Variants in BCL11B observed in about 807,000 individuals in gnomAD.
The protein encoded by BCL11B is BCL11 transcription factor B.
Under a neutral mutation model 49.9 loss-of-function variants are expected in BCL11B, and 8 were observed. The observed-to-expected ratio is 0.16, with a 90% CI of 0.09 to 0.29. BCL11B has a LOEUF of 0.29. Among genes scored for constraint, BCL11B ranks in the 10% least tolerant of loss-of-function variants. BCL11B has a pLI of 1.00. For synonymous variants in BCL11B, 739 were observed against 637.4 expected, an observed-to-expected ratio of 1.16 and a Z score of -2.40; for missense variants, 1,006 against 1,351.0, an observed-to-expected ratio of 0.74 and a Z score of 4.00.
chr14:99,196,695 A>G (rs1166250048), intron 3 of BCL11B, among the ~76,000 whole-genome samples: 1 of 152,204 alleles, frequency 6.6e-6, no homozygotes, highest in Non-Finnish European at 1.5e-5. Flanking sequence ...ATGTTTGTCC[A>G]CCATCAGAGA....
chr14:99,178,061 T>C (rs1347303937), intron 3 of BCL11B, among the ~76,000 whole-genome samples: 1 of 152,096 alleles, frequency 6.6e-6, no homozygotes, highest in Non-Finnish European at 1.5e-5. Flanking sequence ...GCCTGCAGCG[T>C]CACAGAAGGC....
Position 99,247,811 on chromosome 14 carries a change from T to A in BCL11B, c.427+9660A>T, listed in dbSNP as rs952099749. ...AGCAGACGCTGACCCACGCACCTGT[T>A]TGCCTGCACCTTTGAGGTTGTGTCC... On this transcript the variant is annotated intron_variant, in intron 2 of 3. Coordinates refer to ENST00000357195, the MANE Select transcript of BCL11B (RefSeq NM_138576.4). The surrounding 1 kb of genome is among the most constrained non-coding windows in gnomAD (Gnocchi z 4.5). Among the ~76,000 whole-genome samples the A allele has an allele frequency of 6.6e-6, 1 of 152,180 alleles. No individual in the cohort carries two copies. Among genetic ancestry groups the A allele is most frequent in the Admixed American group, 6.5e-5 (1 of 15,282 alleles).
In BCL11B at chr14:99,174,478, C is replaced by G; in HGVS notation, c.2358G>C (p.Arg786=). The change falls in exon 4 of 4, where the codon CGG becomes CGC. Residue 786 remains arginine (R), a synonymous_variant. Transcript: ENST00000357195. ...TGCGGCGGCCCTCCTTGGAGCTGGGCCGCCCGGGGCCCGGGCCGCCCAGGT... is the reference window on the plus strand; with the variant it reads ...TGCGGCGGCCCTCCTTGGAGCTGGGGCGCCCGGGGCCCGGGCCGCCCAGGT... The part of the protein sequence containing the change: ...TPHLGGPGPG[R]PSSKEGRRSD... The G allele has an allele frequency of 1.3e-6, 2 of 1,585,050 alleles. No homozygotes were observed. Among genetic ancestry groups the G allele is most frequent in the Non-Finnish European group, 1.7e-6 (2 of 1,167,966 alleles).
intron 3 of BCL11B, among the ~76,000 whole-genome samples, chr14:99,214,768 C>T (rs1887784487): frequency 6.6e-6 from 1 of 152,162 alleles, no homozygotes; most frequent in South Asian, 2.1e-4. Context: ...TGCCTCTTTA[C>T]CTTCCCAGCA....
At chr14:99,186,442 C>A (rs1207280399) in intron 3 of BCL11B, among the ~76,000 whole-genome samples, 3 of 152,182 alleles carry the variant, frequency 2.0e-5, no homozygotes, top group Non-Finnish European at 4.4e-5. Flanking sequence ...ATTGCTTGAA[C>A]CTTGGAGGCG....
intron 1 of BCL11B, chr14:99,263,263 A>C (rs1889388876): frequency 6.5e-6 from 1 of 153,344 alleles, no homozygotes; most frequent in South Asian, 2.1e-4. Flanking sequence ...GGAGGGACAG[A>C]TACATACCAC....
At chr14:99,176,869 G>T (rs1472591967) in intron 3 of BCL11B, among the ~76,000 whole-genome samples, 1 of 152,006 alleles carries the variant, frequency 6.6e-6, no homozygotes, top group African/African-American at 2.4e-5. Context: ...GATAATATTT[G>T]ATTCCAGGGA....
At position 99,177,173 on chromosome 14, in the gene BCL11B, C is replaced by T. The variant is rs369123982; in HGVS notation, c.641-978G>A. On this transcript the variant is annotated intron_variant, in intron 3 of 3. Coordinates refer to ENST00000357195, the MANE Select transcript of BCL11B (RefSeq NM_138576.4). ...TTCCACCTCCAGACCCCAGGGAAGG[C>T]GGGGGCACACTGGCCTACATGAGTC... is the stretch of plus-strand genomic sequence containing the variant. Among the ~76,000 whole-genome samples the T allele has an allele frequency of 2.0e-4, 30 of 152,162 alleles. No homozygotes were observed. The East Asian group carries it at 4.5e-3, about 23-fold the overall frequency.
intron 3 of BCL11B, among the ~76,000 whole-genome samples, chr14:99,190,437 G>A (rs886268757): frequency 2.0e-5 from 3 of 152,248 alleles, no homozygotes; most frequent in Non-Finnish European, 4.4e-5. Context: ...GCAGTGAGCC[G>A]AGATGGCACC....
In BCL11B at chr14:99,241,502, C is replaced by T. The variant is rs1888670716; in HGVS notation, c.428-9945G>A. On this transcript the variant is annotated intron_variant, in intron 2 of 3. Coordinates refer to ENST00000357195, the MANE Select transcript of BCL11B (RefSeq NM_138576.4). This position sits in a 1 kb window ranked among gnomAD's most constrained non-coding sequence, Gnocchi z 4.4. ...AAAAAAAAAAATCTTCGCACCACATCACCAAAATGGCAGAAAAATTAAGTC... is the reference window on the plus strand; with the variant it reads ...AAAAAAAAAAATCTTCGCACCACATTACCAAAATGGCAGAAAAATTAAGTC... 6.6e-6 allele frequency among the ~76,000 whole-genome samples: 1 copy of T among 152,054 alleles called. No individual in the cohort carries two copies. Among genetic ancestry groups the T allele is most frequent in the Non-Finnish European group, 1.5e-5 (1 of 68,002 alleles).
rs748708816 is a variant in BCL11B at position 99,194,771 on chromosome 14, G to A, written c.641-18576C>T. On this transcript the variant is annotated intron_variant, in intron 3 of 3. Transcript: ENST00000357195. The surrounding 1 kb of genome is among the most constrained non-coding windows in gnomAD (Gnocchi z 4.6). Reference sequence around the variant, plus strand: ...ACTTGGCTCAAAAGCAGTCTCAACCGTGGAGCAGACGGCCTTCGATAATAG... The same window carrying A: ...ACTTGGCTCAAAAGCAGTCTCAACCATGGAGCAGACGGCCTTCGATAATAG... Among the ~76,000 whole-genome samples the A allele has an allele frequency of 3.3e-5, 5 of 152,182 alleles. No homozygotes were observed. The highest frequency in any genetic ancestry group is 1.9e-4 in the East Asian group (1 of 5,202).
In BCL11B at chr14:99,236,510, G is replaced by A. The variant is rs1888503800; in HGVS notation, c.428-4953C>T. Among the ~76,000 whole-genome samples the A allele has an allele frequency of 2.0e-5, 3 of 152,184 alleles. No homozygotes were observed. The South Asian group carries it at 6.2e-4, about 32-fold the overall frequency. Reference sequence around the variant, plus strand: ...ACAGACTTGAAACTCCAGTGTGTGAGATTCAGGCCTGCCTGTTCTGGGTAG... The same window carrying A: ...ACAGACTTGAAACTCCAGTGTGTGAAATTCAGGCCTGCCTGTTCTGGGTAG... On this transcript the variant is annotated intron_variant, in intron 2 of 3. Coordinates refer to ENST00000357195, the MANE Select transcript of BCL11B (RefSeq NM_138576.4).
At chr14:99,261,520 G>A (rs1420538850) in intron 1 of BCL11B, among the ~76,000 whole-genome samples, 1 of 152,028 alleles carries the variant, frequency 6.6e-6, no homozygotes, top group Non-Finnish European at 1.5e-5. Context: ...AGACGAAAAA[G>A]CACCAGGAAA....
In BCL11B at chr14:99,241,076, A is replaced by G. The variant is rs966586724; in HGVS notation, c.428-9519T>C. Among the ~76,000 whole-genome samples the G allele has an allele frequency of 1.3e-5, 2 of 152,068 alleles. No homozygotes were observed. The highest frequency in any genetic ancestry group is 2.9e-5 in the Non-Finnish European group (2 of 67,996). ...AGCTGATGTGCTGGACCTCAGACAG[A>G]ATTGACTGCAGAAACCCTGCAAAGA... is the stretch of plus-strand genomic sequence containing the variant. On this transcript the variant is annotated intron_variant, in intron 2 of 3. Transcript: ENST00000357195. This position sits in a 1 kb window ranked among gnomAD's most constrained non-coding sequence, Gnocchi z 4.4.
In BCL11B at chr14:99,174,978, G is replaced by A. The variant is rs200835381; in HGVS notation, c.1858C>T (p.Arg620Cys). ...YGELLADKQK[R>C]GAFLKRAAGG... ...GCCGCACGCTTCAGGAAGGCGCCGC[G>A]CTTCTGCTTGTCGGCCAGGAGCTCG... The change falls in exon 4 of 4, where the codon CGC (arginine) becomes TGC (cysteine). Residue 620 changes from arginine to cysteine, a missense_variant. This residue lies in a region of BCL11B where 443 missense variants were observed against 499.7 expected (regional missense o/e 0.89). Transcript: ENST00000357195. The A allele has an allele frequency of 1.2e-4, 194 of 1,567,814 alleles. No individual in the cohort carries two copies. The highest frequency in any genetic ancestry group is 1.6e-4 in the Non-Finnish European group (181 of 1,164,520).
chr14:99,211,582 A>T (rs1887690720), intron 3 of BCL11B, among the ~76,000 whole-genome samples: 1 of 152,178 alleles, frequency 6.6e-6, no homozygotes, highest in South Asian at 2.1e-4. Context: ...ACACATGCAC[A>T]TGCATTCACA....
intron 2 of BCL11B, among the ~76,000 whole-genome samples, chr14:99,240,861 G>C (rs1397126166): frequency 6.6e-6 from 1 of 152,222 alleles, no homozygotes; most frequent in Non-Finnish European, 1.5e-5. Flanking sequence ...AGACGCCGCT[G>C]TAACAGAGGT....
chr14:99,212,697 C>A (rs1887722656), intron 3 of BCL11B, among the ~76,000 whole-genome samples: 1 of 152,126 alleles, frequency 6.6e-6, no homozygotes. Context: ...CAGAGAACAA[C>A]CCCTCCACGC....
At chr14:99,189,997 G>C (rs990318721) in intron 3 of BCL11B, among the ~76,000 whole-genome samples, 1 of 152,172 alleles carries the variant, frequency 6.6e-6, no homozygotes, top group Non-Finnish European at 1.5e-5. Flanking sequence ...GCCGAGCCCA[G>C]GAAATCACTC....
Sources: gnomAD v4.1 joint callset for allele counts (sites outside exome capture counted in the v4.1 genomes callset) on GRCh38, gnomAD v4.1.1 for gene constraint, gnomAD v4.1.1 regional missense constraint, Gnocchi (gnomAD v3.1) non-coding constraint, MANE v1.5 for transcripts, NCBI Gene and HGNC (gene_info 2026-07-23, HGNC 2026-07-21) for gene names.